FAM135B: variants seen among roughly 807,000 people sequenced by gnomAD.
FAM135B encodes family with sequence similarity 135 member B.
FAM135B carries 43 observed loss-of-function variants against 127.7 expected under a neutral mutation model. The ratio of observed to expected loss-of-function variants is 0.34; its 90% CI spans 0.26 to 0.43. FAM135B has a LOEUF of 0.43. FAM135B is among the 20% of genes least tolerant of loss of function. FAM135B has a pLI of 1.00. For synonymous variants in FAM135B, 670 were observed against 665.1 expected, an observed-to-expected ratio of 1.01 and a Z score of -0.11; for missense variants, 1,558 against 1,725.6, an observed-to-expected ratio of 0.90 and a Z score of 1.72.
At chr8:138,317,356 T>C (rs1254034698) in intron 2 of FAM135B, among the ~76,000 whole-genome samples, 2 of 152,088 alleles carry the variant, frequency 1.3e-5, no homozygotes, top group East Asian at 3.9e-4. Flanking sequence ...GGGGAGTGGA[T>C]GGGAGAGAGA....
At chr8:138,424,392 G>A (rs557605162) in intron 1 of FAM135B, among the ~76,000 whole-genome samples, 17 of 152,286 alleles carry the variant, frequency 1.1e-4, no homozygotes, top group African/African-American at 3.8e-4. Context: ...CCCTCCGTTC[G>A]AGGTCCCTGA....
chr8:138,350,812 C>G (rs1212717211), intron 2 of FAM135B, among the ~76,000 whole-genome samples: 1 of 152,130 alleles, frequency 6.6e-6, no homozygotes. Flanking sequence ...CCAGAACTTC[C>G]ACATTTTATA....
chr8:138,206,574 T>C (rs1256755325), intron 7 of FAM135B, among the ~76,000 whole-genome samples: 52 of 135,932 alleles, frequency 3.8e-4, no homozygotes, highest in Non-Finnish European at 5.2e-4. Context: ...CACACAACTC[T>C]ATCATCCCCT....
At chr8:138,447,085 C>T (rs1373622131) in intron 1 of FAM135B, among the ~76,000 whole-genome samples, 1 of 151,104 alleles carries the variant, frequency 6.6e-6, no homozygotes, top group Non-Finnish European at 1.5e-5. Context: ...CAGAGAAATG[C>T]AAATCAAAAC....
chr8:138,408,333 G>C (rs1833654540), intron 1 of FAM135B, among the ~76,000 whole-genome samples: 1 of 152,134 alleles, frequency 6.6e-6, no homozygotes, highest in Non-Finnish European at 1.5e-5. Context: ...CTGATAACTT[G>C]CTGCAGCTTC....
chr8:138,448,794 A>G (rs1217520291), intron 1 of FAM135B, among the ~76,000 whole-genome samples: 4 of 144,272 alleles, frequency 2.8e-5, no homozygotes, highest in African/African-American at 7.8e-5. Flanking sequence ...CACAGGGGGA[A>G]AAAAAAAAAA....
intron 4 of FAM135B, among the ~76,000 whole-genome samples, chr8:138,265,220 C>T (rs1563835517): frequency 6.6e-6 from 1 of 152,150 alleles, no homozygotes; most frequent in African/African-American, 2.4e-5. Context: ...TTTGTCATCT[C>T]CACAGAGATC....
At chr8:138,487,001 A>G (rs1815008472) in intron 1 of FAM135B, among the ~76,000 whole-genome samples, 1 of 151,916 alleles carries the variant, frequency 6.6e-6, no homozygotes, top group African/African-American at 2.4e-5. Flanking sequence ...GTTCTAGGGT[A>G]CATGTGCACA....
chr8:138,230,923 A>G (rs1019886712), intron 7 of FAM135B, among the ~76,000 whole-genome samples: 6 of 152,166 alleles, frequency 3.9e-5, no homozygotes, highest in African/African-American at 1.4e-4. Flanking sequence ...CAAAGTTTTA[A>G]AATCTGCTTT....
chr8:138,331,070 G>T (rs1044645064), intron 2 of FAM135B, among the ~76,000 whole-genome samples: 1 of 152,046 alleles, frequency 6.6e-6, no homozygotes, highest in African/African-American at 2.4e-5. Flanking sequence ...TTGAACTCCC[G>T]ACTTCAGGTG....
At chr8:138,338,210 A>G (rs1563913691) in intron 2 of FAM135B, among the ~76,000 whole-genome samples, 2 of 152,014 alleles carry the variant, frequency 1.3e-5, no homozygotes, top group Non-Finnish European at 2.9e-5. Context: ...CAAGGACTTC[A>G]TGTCTAAAAC....
At chr8:138,168,091 G>T (rs750449709) in intron 11 of FAM135B, 42 bp from the exon 12 acceptor site, 1 of 1,567,708 alleles carries the variant, frequency 6.4e-7, no homozygotes, top group South Asian at 1.2e-5. Context: ...GGAAGAGTCA[G>T]AGGTTTCCAA....
intron 2 of FAM135B, among the ~76,000 whole-genome samples, chr8:138,366,698 G>C (rs1159287093): frequency 1.3e-5 from 2 of 152,162 alleles, no homozygotes; most frequent in Non-Finnish European, 2.9e-5. Context: ...GGCACTTGAA[G>C]CATTAAACTC....
intron 9 of FAM135B, among the ~76,000 whole-genome samples, chr8:138,193,007 C>T (rs1816274178): frequency 6.6e-6 from 1 of 152,162 alleles, no homozygotes; most frequent in African/African-American, 2.4e-5. Context: ...AAAGCCATGT[C>T]TCCCTGGCTC....
intron 19 of FAM135B, among the ~76,000 whole-genome samples, chr8:138,134,351 A>G (rs936196206): frequency 2.0e-5 from 3 of 152,238 alleles, no homozygotes; most frequent in African/African-American, 7.2e-5. Flanking sequence ...TAATTTGTTT[A>G]AATTGTATAT....
intron 9 of FAM135B, among the ~76,000 whole-genome samples, chr8:138,189,555 C>T (rs1304499225): frequency 6.6e-6 from 1 of 152,246 alleles, no homozygotes; most frequent in East Asian, 1.9e-4. Flanking sequence ...GACTGTAACA[C>T]TCCTTCTGGG....
rs1820876697 is a variant in FAM135B at position 138,242,372 on chromosome 8, C to G, written c.669+570G>C. ...TGTGTGGTTAAAGCCCTGCACATCA[C>G]AGAAGAGCAGGGGATGTTTCCTAGG... On this transcript the variant is annotated intron_variant, in intron 7 of 19. Coordinates refer to ENST00000395297, the MANE Select transcript of FAM135B (RefSeq NM_015912.4). This position sits in a 1 kb window ranked among gnomAD's most constrained non-coding sequence, Gnocchi z 9.6. Among the ~76,000 whole-genome samples the G allele has an allele frequency of 6.6e-6, 1 of 151,962 alleles. No homozygotes were observed. The highest frequency in any genetic ancestry group is 1.5e-5 in the Non-Finnish European group (1 of 68,018).
intron 10 of FAM135B, among the ~76,000 whole-genome samples, chr8:138,177,943 T>A (rs552170105): frequency 6.6e-6 from 1 of 152,348 alleles, no homozygotes; most frequent in East Asian, 1.9e-4. Flanking sequence ...AGCAATGTCT[T>A]ACATTAAAAA....
At chr8:138,441,943 A>G (rs1351702107) in intron 1 of FAM135B, among the ~76,000 whole-genome samples, 5 of 151,922 alleles carry the variant, frequency 3.3e-5, no homozygotes, top group Non-Finnish European at 7.4e-5. Context: ...GAAGGAGGAA[A>G]TAAGGGGGAA....
Sources: gnomAD v4.1 joint callset for allele counts (sites outside exome capture counted in the v4.1 genomes callset) on GRCh38, gnomAD v4.1.1 for gene constraint, Gnocchi (gnomAD v3.1) non-coding constraint, MANE v1.5 for transcripts, NCBI Gene and HGNC (gene_info 2026-07-23, HGNC 2026-07-21) for gene names.